Variants in ADGRL2 observed in about 807,000 individuals in gnomAD.
ADGRL2 encodes the protein calcium-independent alpha-latrotoxin receptor 2.
In ADGRL2, 44 loss-of-function variants were observed where a neutral mutation model predicts 157.4. The observed-to-expected ratio is 0.28, with a 90% CI of 0.22 to 0.36. The LOEUF (loss-of-function observed/expected upper bound fraction) is 0.36, where lower values mean the gene tolerates loss of function less well. ADGRL2 is among the 10% of genes least tolerant of loss of function. The pLI, the probability that ADGRL2 is intolerant of heterozygous loss-of-function variation, is 1.00. For missense variants in ADGRL2, 1,510 were observed against 1,768.9 expected, an observed-to-expected ratio of 0.85 and a Z score of 2.63; for synonymous variants, 585 against 624.7, an observed-to-expected ratio of 0.94 and a Z score of 0.95.
chr1:81,674,937 T>C (rs2082955257), intron 3 of ADGRL2, among the ~76,000 whole-genome samples: 1 of 152,102 alleles, frequency 6.6e-6, no homozygotes, highest in African/African-American at 2.4e-5. Context: ...TAAAATAAAA[T>C]AAAAAAAGAA....
chr1:81,673,992 A>C (rs2148927039), intron 3 of ADGRL2, among the ~76,000 whole-genome samples: 1 of 152,288 alleles, frequency 6.6e-6, no homozygotes, highest in Admixed American at 6.5e-5. Flanking sequence ...TTCAGAAATG[A>C]CCCATGTAAA....
chr1:81,549,072 T>A (rs1222645557), intron 2 of ADGRL2, among the ~76,000 whole-genome samples: 1 of 152,202 alleles, frequency 6.6e-6, no homozygotes, highest in Non-Finnish European at 1.5e-5. Context: ...TTGCTGCACT[T>A]TCTAGTTCTC....
At chr1:81,570,623 G>A (rs567092779) in intron 2 of ADGRL2, among the ~76,000 whole-genome samples, 69 of 152,136 alleles carry the variant, frequency 4.5e-4, no homozygotes, top group Admixed American at 1.3e-3. Flanking sequence ...TCCTGACCTC[G>A]GGTGATCTTC....
At chr1:81,386,155 T>G (rs918515474) in intron 1 of ADGRL2, among the ~76,000 whole-genome samples, 2 of 152,166 alleles carry the variant, frequency 1.3e-5, no homozygotes, top group African/African-American at 2.4e-5. Context: ...AAATGACAAG[T>G]ACAAGGTCAA....
intron 2 of ADGRL2, among the ~76,000 whole-genome samples, chr1:81,768,838 T>C (rs1178259172): frequency 6.6e-6 from 1 of 152,202 alleles, no homozygotes; most frequent in Middle Eastern, 3.4e-3. Flanking sequence ...CCCAGCATTT[T>C]GGGAGGTCGA....
rs35152437 is a variant in ADGRL2 at position 81,602,897 on chromosome 1, CAA to C, written c.-143+21934_-143+21935del. Among the ~76,000 whole-genome samples the C allele has an allele frequency of 7.1e-3, 852 of 120,332 alleles. 6 individuals are homozygous for C. The highest frequency in any genetic ancestry group is 0.021 in the African/African-American group (675 of 31,440). 78.9% of individuals were successfully genotyped at this position (120,332 alleles called of 152,430 possible). On this transcript the variant is annotated intron_variant, in intron 3 of 24. Transcript: ENST00000370721. ...TGGGCAACAGAGCGAGACTCTGTCT[CAA>C]AAAAAAAAAAAAAAAAGTGTCCAAT... is the stretch of plus-strand genomic sequence containing the variant.
At chr1:81,857,352 T>G (rs944862323) in intron 2 of ADGRL2, among the ~76,000 whole-genome samples, 2 of 152,214 alleles carry the variant, frequency 1.3e-5, no homozygotes, top group Admixed American at 1.3e-4. Flanking sequence ...GCAACGCATA[T>G]ATATGTAAAA....
intron 1 of ADGRL2, among the ~76,000 whole-genome samples, chr1:81,425,437 A>G (rs1470457699): frequency 1.3e-5 from 2 of 152,218 alleles, no homozygotes; most frequent in Non-Finnish European, 2.9e-5. Flanking sequence ...TTAAACGTGC[A>G]TTAGGTACAC....
At chr1:81,546,628 G>T (rs2080024620) in intron 2 of ADGRL2, among the ~76,000 whole-genome samples, 1 of 152,152 alleles carries the variant, frequency 6.6e-6, no homozygotes, top group Admixed American at 6.5e-5. Flanking sequence ...GTCTAGAAAA[G>T]TTATTTCTGT....
intron 17 of ADGRL2, among the ~76,000 whole-genome samples, chr1:81,977,676 A>G (rs1416320151): frequency 1.3e-5 from 2 of 151,792 alleles, no homozygotes; most frequent in African/African-American, 4.8e-5. Flanking sequence ...TGGATAATGA[A>G]TAACTTCTTT....
chr1:81,557,537 A>G (rs1334177277), intron 2 of ADGRL2: 1 of 152,138 alleles, frequency 6.6e-6, no homozygotes, highest in Non-Finnish European at 1.5e-5. Context: ...GAAGAAAGAA[A>G]GAAAGCAAGA....
chr1:81,350,340 T>C (rs1169609290), intron 1 of ADGRL2, among the ~76,000 whole-genome samples: 1 of 152,214 alleles, frequency 6.6e-6, no homozygotes, highest in Non-Finnish European at 1.5e-5. Flanking sequence ...AATCTGCTCA[T>C]AACACTGTAG....
intron 3 of ADGRL2, among the ~76,000 whole-genome samples, chr1:81,608,559 A>T (rs1029649410): frequency 2.0e-5 from 3 of 152,164 alleles, no homozygotes; most frequent in African/African-American, 7.2e-5. Flanking sequence ...TGCCTCTCAG[A>T]GTCTTTAATA....
intron 2 of ADGRL2, among the ~76,000 whole-genome samples, chr1:81,770,930 T>A (rs940845998): frequency 2.0e-5 from 3 of 152,172 alleles, no homozygotes; most frequent in African/African-American, 7.2e-5. Flanking sequence ...ATTTTTATAT[T>A]TTTATTTCTA....
intron 1 of ADGRL2, among the ~76,000 whole-genome samples, chr1:81,387,232 A>G (rs2076454312): frequency 6.6e-6 from 1 of 152,148 alleles, no homozygotes; most frequent in South Asian, 2.1e-4. Context: ...AATTGTCATC[A>G]TTATTGCTTT....
chr1:81,319,812 G>A (rs1660384670), intron 1 of ADGRL2, among the ~76,000 whole-genome samples: 1 of 152,158 alleles, frequency 6.6e-6, no homozygotes, highest in South Asian at 2.1e-4. Context: ...CTTTTTGCTG[G>A]TGCAGGGTCT....
chr1:81,634,799 A>G (rs1397495120), intron 3 of ADGRL2, among the ~76,000 whole-genome samples: 1 of 152,052 alleles, frequency 6.6e-6, no homozygotes, highest in Non-Finnish European at 1.5e-5. Flanking sequence ...TGGGATTACA[A>G]GCATGAGCCG....
chr1:81,701,772 G>C (rs1180495982), intron 1 of ADGRL2, among the ~76,000 whole-genome samples: 1 of 152,320 alleles, frequency 6.6e-6, no homozygotes, highest in Middle Eastern at 3.4e-3. Context: ...ACCCATTTCT[G>C]TTAGACACTG....
intron 2 of ADGRL2, among the ~76,000 whole-genome samples, chr1:81,524,876 G>A (rs1244743024): frequency 6.6e-6 from 1 of 152,102 alleles, no homozygotes; most frequent in African/African-American, 2.4e-5. Flanking sequence ...CTGCATTCTA[G>A]CCTGGGCGAC....
Sources: allele counts gnomAD v4.1 joint callset (sites outside exome capture counted in the v4.1 genomes callset), GRCh38; gene constraint gnomAD v4.1.1; transcripts MANE v1.5; gene names NCBI Gene and HGNC (gene_info 2026-07-23, HGNC 2026-07-21).